The following NRXN3 variants were observed in gnomAD, a reference collection of about 807,000 sequenced individuals.
The protein encoded by NRXN3 is neurexin III.
NRXN3 carries 32 observed loss-of-function variants against 137.6 expected under a neutral mutation model. That is an observed-to-expected ratio of 0.23 (90% CI 0.18 to 0.31). The LOEUF (loss-of-function observed/expected upper bound fraction) is 0.31. Ranked by LOEUF, NRXN3 falls within the 10% of genes least tolerant of loss-of-function variation. The pLI is 1.00. For synonymous variants in NRXN3, 798 were observed against 784.5 expected (o/e 1.02, Z -0.29); for missense variants, 1,574 against 2,062.5 (o/e 0.76, Z 4.59).
At chr14:78,650,572 G>A (rs2097731347) in intron 5 of NRXN3, among the ~76,000 whole-genome samples, 1 of 151,738 alleles carries the variant, frequency 6.6e-6, no homozygotes, top group African/African-American at 2.4e-5. Context: ...TCCATGGCAT[G>A]TATCATCCAT....
At chr14:78,289,763 A>G (rs2075605774) in intron 3 of NRXN3, among the ~76,000 whole-genome samples, 1 of 151,746 alleles carries the variant, frequency 6.6e-6, no homozygotes, top group Non-Finnish European at 1.5e-5. Flanking sequence ...AAAATACAGA[A>G]ATTAGCTGGG....
intron 15 of NRXN3, among the ~76,000 whole-genome samples, chr14:79,094,769 C>T (rs2049918760): frequency 6.6e-6 from 1 of 152,106 alleles, no homozygotes; most frequent in Admixed American, 6.6e-5. Flanking sequence ...ATGATTAGCT[C>T]TCTCTTAGAC....
chr14:79,485,961 T>C (rs1023744261), intron 16 of NRXN3, among the ~76,000 whole-genome samples: 26 of 152,280 alleles, frequency 1.7e-4, no homozygotes, highest in African/African-American at 6.0e-4. Flanking sequence ...GCTTCAAATA[T>C]GGCTATGTAA....
At chr14:79,642,790 C>T (rs377060781) in intron 16 of NRXN3, among the ~76,000 whole-genome samples, 1 of 135,736 alleles carries the variant, frequency 7.4e-6, no homozygotes, top group African/African-American at 2.4e-5. Context: ...ACTATATTCT[C>T]AAGAAGATGA....
At chr14:79,730,470 T>C (rs1261863762) in intron 19 of NRXN3, among the ~76,000 whole-genome samples, 1 of 152,226 alleles carries the variant, frequency 6.6e-6, no homozygotes, top group Admixed American at 6.5e-5. Context: ...TGAACTCAGC[T>C]GGTCACTATG....
chr14:79,444,503 G>A (rs1008599285), intron 15 of NRXN3, among the ~76,000 whole-genome samples: 3 of 152,154 alleles, frequency 2.0e-5, no homozygotes, highest in East Asian at 1.9e-4. Context: ...AGCCACTACC[G>A]TCCTTTCCAG....
At chr14:79,028,823 G>T (rs2099602702) in intron 15 of NRXN3, among the ~76,000 whole-genome samples, 1 of 152,228 alleles carries the variant, frequency 6.6e-6, no homozygotes, top group East Asian at 1.9e-4. Context: ...TAGCCTCCGT[G>T]CTGCATACAG....
chr14:79,593,106 ATATCT>A (rs892411346), intron 16 of NRXN3, among the ~76,000 whole-genome samples: 2 of 152,154 alleles, frequency 1.3e-5, no homozygotes, highest in African/African-American at 4.8e-5. Flanking sequence ...CTGATAGTTC[ATATCT>A]TAGCCCCTTT....
chr14:79,206,970 G>A (rs1202515759), intron 15 of NRXN3, among the ~76,000 whole-genome samples: 1 of 152,104 alleles, frequency 6.6e-6, no homozygotes, highest in Admixed American at 6.6e-5. Context: ...TTTCCTACCG[G>A]ATCAAGTTAC....
intron 4 of NRXN3, among the ~76,000 whole-genome samples, chr14:78,557,370 A>C (rs1188257479): frequency 1.3e-5 from 2 of 151,928 alleles, no homozygotes; most frequent in Non-Finnish European, 2.9e-5. Flanking sequence ...TCTATCTTTA[A>C]TATTCCTCTT....
chr14:78,667,629 T>C (rs1057487539), intron 6 of NRXN3, among the ~76,000 whole-genome samples: 2 of 152,112 alleles, frequency 1.3e-5, no homozygotes, highest in Admixed American at 6.5e-5. Context: ...TGAAATGTGG[T>C]CAAAGGAGAC....
intron 8 of NRXN3, among the ~76,000 whole-genome samples, chr14:78,752,997 A>G (rs888286130): frequency 6.6e-6 from 1 of 152,016 alleles, no homozygotes. Context: ...TGGTGTACAC[A>G]CTCTGCTGCT....
intron 7 of NRXN3, among the ~76,000 whole-genome samples, chr14:78,713,739 G>C (rs955699652): frequency 2.0e-5 from 3 of 152,204 alleles, no homozygotes; most frequent in Non-Finnish European, 4.4e-5. Context: ...GGCAGCAGGA[G>C]AGAGAGAAGT....
At chr14:79,843,570 C>T (rs1196422847) in intron 20 of NRXN3, among the ~76,000 whole-genome samples, 1 of 152,272 alleles carries the variant, frequency 6.6e-6, no homozygotes, top group East Asian at 1.9e-4. Context: ...AATCAGAGTA[C>T]AACCTCTTTC....
intron 15 of NRXN3, among the ~76,000 whole-genome samples, chr14:79,306,083 G>A (rs113946759): frequency 2.0e-4 from 31 of 152,196 alleles, no homozygotes; most frequent in African/African-American, 5.8e-4. Flanking sequence ...TGTGTTGACC[G>A]TAAGTTCTTC....
intron 10 of NRXN3, among the ~76,000 whole-genome samples, chr14:78,831,439 G>C (rs150591): frequency 0.77 from 115,354 of 150,404 alleles, 48,504 homozygotes; most frequent in Non-Finnish European, 0.94. Flanking sequence ...GGGATACTGA[G>C]GCAGAGAATT....
intron 4 of NRXN3, among the ~76,000 whole-genome samples, chr14:78,427,613 G>A (rs2093713304): frequency 6.6e-6 from 1 of 152,174 alleles, no homozygotes; most frequent in African/African-American, 2.4e-5. Flanking sequence ...GTCCCAGAAG[G>A]GGTTGATATG....
chr14:79,406,947 C>T (rs1197742288), intron 15 of NRXN3, among the ~76,000 whole-genome samples: 1 of 152,126 alleles, frequency 6.6e-6, no homozygotes, highest in Non-Finnish European at 1.5e-5. Flanking sequence ...ATGATATTTT[C>T]TTTAATGAAG....
rs1037610594 is a variant in NRXN3 at position 78,699,507 on chromosome 14, C to T, written c.1222-9710C>T. On this transcript the variant is annotated intron_variant, in intron 6 of 20. Coordinates refer to ENST00000335750, the MANE Select transcript of NRXN3 (RefSeq NM_001330195.2). The stretch of plus-strand genomic sequence containing the variant: ...ATTCCCAGACATGTTAATAGTGAGA[C>T]GATTAGAGTCATTTCTAGTCCTCGG... 5.9e-5 allele frequency among the ~76,000 whole-genome samples: 9 copies of T among 152,118 alleles called. No individual in the cohort carries two copies. The South Asian group carries it at 8.3e-4, about 14-fold the overall frequency.
Sources: allele counts gnomAD v4.1 joint callset (sites outside exome capture counted in the v4.1 genomes callset), GRCh38; gene constraint gnomAD v4.1.1; transcripts MANE v1.5; gene names NCBI Gene and HGNC (gene_info 2026-07-23, HGNC 2026-07-21).